The following ANO3 variants were observed in gnomAD, a reference collection of about 807,000 sequenced individuals.
The protein encoded by ANO3 is anoctamin 3.
A neutral mutation model predicts 144.8 loss-of-function variants in ANO3; 99 were observed. That is an observed-to-expected ratio of 0.68 (90% CI 0.58 to 0.81). The LOEUF (loss-of-function observed/expected upper bound fraction) is 0.81. ANO3 is among the 30% of genes least tolerant of loss of function. The pLI, the probability that ANO3 is intolerant of heterozygous loss-of-function variation, is 0.00. For synonymous variants in ANO3, 414 were observed against 392.6 expected (o/e 1.05, Z -0.64); for missense variants, 905 against 1,202.2 (o/e 0.75, Z 3.66).
At chr11:26,202,524 A>G (rs532586542) in intron 1 of ANO3, among the ~76,000 whole-genome samples, 1 of 151,764 alleles carries the variant, frequency 6.6e-6, no homozygotes, top group African/African-American at 2.4e-5. Flanking sequence ...GTGTTGTGGA[A>G]ACACAGGGCG....
chr11:26,230,846 TTTTTACAAAAAG>T (rs1852379889), intron 1 of ANO3, among the ~76,000 whole-genome samples: 1 of 147,326 alleles, frequency 6.8e-6, no homozygotes, highest in African/African-American at 2.5e-5. Context: ...AAAGTTTATC[TTTTTACAAAAAG>T]TTTTCTGGTT....
At chr11:26,328,723 AC>A (rs1369572986), upstream of ANO3, among the ~76,000 whole-genome samples, 2 of 152,090 alleles carry the variant, frequency 1.3e-5, no homozygotes, top group Non-Finnish European at 1.5e-5. Context: ...GGGGAACGAA[AC>A]CCTAGGTCCA....
At chr11:26,612,567 G>A (rs746667250) in intron 17 of ANO3, among the ~76,000 whole-genome samples, 6 of 149,540 alleles carry the variant, frequency 4.0e-5, no homozygotes, top group East Asian at 3.9e-4. Flanking sequence ...TTCTCAGTTC[G>A]ATTTATGAAT....
rs2292290 is a variant in ANO3, at chr11:26,565,308, A to G, written c.1447+5529A>G. 1.8e-3 allele frequency: 2,849 copies of G among 1,610,674 alleles called. 29 individuals are homozygous for G. The East Asian group carries it at 0.033, about 19-fold the overall frequency. Reference sequence around the variant, plus strand: ...GGTAAGCCATCCACTTGGTTCCACTATCAAGGGGGTCACAGATGGAGAAGT... The same window carrying G: ...GGTAAGCCATCCACTTGGTTCCACTGTCAAGGGGGTCACAGATGGAGAAGT... On this transcript the variant is annotated intron_variant, in intron 14 of 26. Transcript: ENST00000256737.
chr11:26,289,746 ATTCTATATG>A (rs1853909849), intron 1 of ANO3, among the ~76,000 whole-genome samples: 3 of 146,138 alleles, frequency 2.1e-5, no homozygotes, highest in Admixed American at 6.9e-5. Flanking sequence ...GTGTATATAT[ATTCTATATG>A]TGTATATATA....
At chr11:26,629,865 A>G (rs1227855140) in intron 18 of ANO3, among the ~76,000 whole-genome samples, 4 of 152,166 alleles carry the variant, frequency 2.6e-5, no homozygotes, top group Non-Finnish European at 5.9e-5. Context: ...TGCCGACCTC[A>G]GGTGATCTGC....
intron 1 of ANO3, among the ~76,000 whole-genome samples, chr11:26,241,610 G>T (rs143206645): frequency 2.0e-5 from 3 of 152,184 alleles, no homozygotes; most frequent in South Asian, 4.2e-4. Context: ...AATAACTTCA[G>T]TACAGAATAA....
intron 1 of ANO3, among the ~76,000 whole-genome samples, chr11:26,249,920 T>C (rs2133818703): frequency 6.6e-6 from 1 of 152,326 alleles, no homozygotes; most frequent in South Asian, 2.1e-4. Context: ...TTAAAGATTA[T>C]GGCTTTACTC....
chr11:26,498,457 T>C (rs1352096152), intron 4 of ANO3, among the ~76,000 whole-genome samples: 1 of 151,288 alleles, frequency 6.6e-6, no homozygotes. Context: ...TACTCCCAAA[T>C]TCATAGATTA....
intron 14 of ANO3, among the ~76,000 whole-genome samples, chr11:26,570,446 T>C (rs1182018669): frequency 6.6e-6 from 1 of 152,162 alleles, no homozygotes; most frequent in Non-Finnish European, 1.5e-5. Context: ...CATACTTATT[T>C]TATACCAAGC....
intron 1 of ANO3, among the ~76,000 whole-genome samples, chr11:26,428,920 G>C (rs1857998621): frequency 6.6e-6 from 1 of 152,152 alleles, no homozygotes; most frequent in African/African-American, 2.4e-5. Context: ...CAGACATAAA[G>C]AGAAGCCACT....
chr11:26,470,533 G>A (rs533832617), intron 4 of ANO3, among the ~76,000 whole-genome samples: 6 of 151,814 alleles, frequency 4.0e-5, no homozygotes, highest in African/African-American at 1.4e-4. Context: ...AAGAGTAAAT[G>A]ATAACATTTA....
At chr11:26,601,027 T>C (rs74438910) in intron 17 of ANO3, among the ~76,000 whole-genome samples, 1,672 of 152,258 alleles carry the variant, frequency 0.011, 34 homozygotes, top group African/African-American at 0.038. Context: ...AGGCACCTAT[T>C]GGCACATTAA....
intron 12 of ANO3, 84 bp downstream of exon 12, chr11:26,547,634 A>G (rs972063928): frequency 8.4e-6 from 11 of 1,310,086 alleles, no homozygotes; most frequent in East Asian, 4.7e-5. Flanking sequence ...ACTATAAAAA[A>G]TCAAATGGTT....
chr11:26,455,561 T>C (rs964728692), intron 3 of ANO3, among the ~76,000 whole-genome samples: 5 of 151,934 alleles, frequency 3.3e-5, no homozygotes, highest in Non-Finnish European at 7.4e-5. Flanking sequence ...CACTGCTCAA[T>C]GAAATAAAAG....
chr11:26,595,269 A>G (rs1008420083), intron 14 of ANO3, among the ~76,000 whole-genome samples: 2 of 152,008 alleles, frequency 1.3e-5, no homozygotes, highest in Non-Finnish European at 2.9e-5. Context: ...GCTGGATTCT[A>G]GTGGTCCTTT....
intron 1 of ANO3, among the ~76,000 whole-genome samples, chr11:26,199,110 C>CTT (rs34396992): frequency 6.8e-6 from 1 of 147,660 alleles, no homozygotes; most frequent in Non-Finnish European, 1.5e-5. Context: ...TAGGTTTCCA[C>CTT]TTTTTTTTTT....
At chr11:26,334,655 G>C (rs2133891988) in intron 1 of ANO3, among the ~76,000 whole-genome samples, 2 of 152,228 alleles carry the variant, frequency 1.3e-5, no homozygotes, top group South Asian at 4.1e-4. Flanking sequence ...CTCTTCCTCT[G>C]TTTAATGGGA....
chr11:26,381,033 AT>A (rs1333466290), intron 1 of ANO3, among the ~76,000 whole-genome samples: 2 of 152,140 alleles, frequency 1.3e-5, no homozygotes, highest in Non-Finnish European at 2.9e-5. Flanking sequence ...TAAATTCTGT[AT>A]CTTTTGTTCC....
Sources: gnomAD v4.1 joint callset for allele counts (sites outside exome capture counted in the v4.1 genomes callset) on GRCh38, gnomAD v4.1.1 for gene constraint, MANE v1.5 for transcripts, NCBI Gene and HGNC (gene_info 2026-07-23, HGNC 2026-07-21) for gene names.